Variants in NSRP1 observed in about 807,000 individuals in gnomAD.
NSRP1 encodes the protein coiled-coil domain containing 55.
In NSRP1, 24 loss-of-function variants were observed where a neutral mutation model predicts 54.7. That is an observed-to-expected ratio of 0.44 (90% CI 0.32 to 0.62). The LOEUF (loss-of-function observed/expected upper bound fraction) is 0.62. Ranked by LOEUF, NSRP1 falls within the 20% of genes least tolerant of loss-of-function variation. The pLI, the probability that NSRP1 is intolerant of heterozygous loss-of-function variation, is 0.06. For synonymous variants in NSRP1, 210 were observed against 213.8 expected (o/e 0.98, Z 0.15); for missense variants, 596 against 651.2 (o/e 0.92, Z 0.92).
At chr17:30,169,130 T>C (rs903438128) in intron 2 of NSRP1, among the ~76,000 whole-genome samples, 4 of 152,230 alleles carry the variant, frequency 2.6e-5, no homozygotes, top group Middle Eastern at 3.4e-3. Flanking sequence ...AAAATAGATA[T>C]AGTCTACATT....
chr17:30,133,145 G>A (rs192328632), intron 2 of NSRP1, among the ~76,000 whole-genome samples: 20 of 147,300 alleles, frequency 1.4e-4, no homozygotes, highest in African/African-American at 4.8e-4. Flanking sequence ...AGAGACAGGG[G>A]TCTCACCATG....
intron 2 of NSRP1, chr17:30,122,675 A>G (rs1200166240): frequency 2.0e-5 from 3 of 151,536 alleles, no homozygotes; most frequent in Admixed American, 6.6e-5. Flanking sequence ...AAGTGCTGGG[A>G]TTACAGGTGT....
chr17:30,167,606 C>CT (rs1904780116), intron 2 of NSRP1, among the ~76,000 whole-genome samples: 1 of 150,646 alleles, frequency 6.6e-6, no homozygotes, highest in African/African-American at 2.4e-5. Context: ...GAGACTCTGT[C>CT]TTAAAAAAAA....
intron 2 of NSRP1, among the ~76,000 whole-genome samples, chr17:30,143,398 G>A (rs1266956030): frequency 6.6e-6 from 1 of 152,178 alleles, no homozygotes; most frequent in African/African-American, 2.4e-5. Context: ...TTAGTGTCAA[G>A]AGATTGTGTA....
At chr17:30,136,875 T>C (rs150820110) in intron 2 of NSRP1, among the ~76,000 whole-genome samples, 230 of 152,310 alleles carry the variant, frequency 1.5e-3, no homozygotes, top group African/African-American at 5.1e-3. Context: ...CATTTGTACA[T>C]ACATCATATT....
intron 2 of NSRP1, among the ~76,000 whole-genome samples, chr17:30,165,252 A>C (rs551688944): frequency 6.6e-6 from 1 of 152,324 alleles, no homozygotes; most frequent in Middle Eastern, 3.4e-3. Flanking sequence ...TATCTTGATT[A>C]CGGTGATAGT....
At chr17:30,146,825 A>T (rs976094827) in intron 2 of NSRP1, among the ~76,000 whole-genome samples, 1 of 152,008 alleles carries the variant, frequency 6.6e-6, no homozygotes, top group Non-Finnish European at 1.5e-5. Flanking sequence ...GGCTGGCCTC[A>T]AGCAGTCTGC....
At chr17:30,171,819 A>G (rs1904942321) in intron 2 of NSRP1, among the ~76,000 whole-genome samples, 1 of 152,070 alleles carries the variant, frequency 6.6e-6, no homozygotes, top group East Asian at 1.9e-4. Context: ...AGAGCTTGAT[A>G]CACTATATTG....
chr17:30,163,120 A>G (rs1408689785), intron 2 of NSRP1: 1 of 151,382 alleles, frequency 6.6e-6, no homozygotes, highest in African/African-American at 2.4e-5. Flanking sequence ...CCTGAGCTCA[A>G]GTGATCCAGC....
At chr17:30,170,326 G>A (rs1904883798) in intron 2 of NSRP1, among the ~76,000 whole-genome samples, 1 of 152,078 alleles carries the variant, frequency 6.6e-6, no homozygotes, top group Non-Finnish European at 1.5e-5. Flanking sequence ...TCTGTGGCAA[G>A]AGCAGCTACA....
chr17:30,157,048 A>AT (rs1368440824), intron 2 of NSRP1, among the ~76,000 whole-genome samples: 1 of 152,096 alleles, frequency 6.6e-6, no homozygotes, highest in East Asian at 1.9e-4. Flanking sequence ...TCTGTGTTTA[A>AT]TTTTTTGAAA....
chr17:30,158,449 G>A (rs1004745074), intron 2 of NSRP1, among the ~76,000 whole-genome samples: 4 of 151,812 alleles, frequency 2.6e-5, no homozygotes, highest in South Asian at 2.1e-4. Flanking sequence ...TTTGCTGTAC[G>A]GAAGTGTTTT....
At chr17:30,147,961 G>T (rs1307729017) in intron 2 of NSRP1, among the ~76,000 whole-genome samples, 1 of 151,972 alleles carries the variant, frequency 6.6e-6, no homozygotes, top group Non-Finnish European at 1.5e-5. Flanking sequence ...GCAGGCATGT[G>T]CTACCATGCC....
chr17:30,176,618 CA>C (rs35018204), intron 3 of NSRP1, among the ~76,000 whole-genome samples: 49 of 120,366 alleles, frequency 4.1e-4, no homozygotes, highest in African/African-American at 1.2e-3. Context: ...CCCCCCCCCC[CA>C]AAAAAAAAAC....
At chr17:30,140,363 TACTC>T (rs1193383174) in intron 2 of NSRP1, among the ~76,000 whole-genome samples, 1 of 152,124 alleles carries the variant, frequency 6.6e-6, no homozygotes, top group Non-Finnish European at 1.5e-5. Context: ...GCTGTTTGGG[TACTC>T]AATAATTTTA....
rs1183786116 is a variant in NSRP1, at chr17:30,185,345, A to G, written c.1348A>G (p.Asn450Asp). Residue 450 changes from asparagine (N) to aspartate (D), a missense_variant, in exon 7 of 7, where the codon AAT (asparagine) becomes GAT (aspartate). Asn to Asp is a conservative substitution (Grantham distance 23). Coordinates refer to ENST00000247026, the MANE Select transcript of NSRP1 (RefSeq NM_032141.4). Reference sequence around the variant, plus strand: ...GGTAGGTGTTCAGTCTTCAGAAAGAAATCAAGACAGAAAGGAAAGCAGCCC... The same window carrying G: ...GGTAGGTGTTCAGTCTTCAGAAAGAGATCAAGACAGAAAGGAAAGCAGCCC... Reference protein sequence around the residue: ...REVGVQSSERNQDRKESSPNS... With the variant: ...REVGVQSSERDQDRKESSPNS... 1.2e-6 allele frequency: 2 copies of G among 1,611,600 alleles called. No homozygotes were observed. The highest frequency in any genetic ancestry group is 1.7e-5 in the Admixed American group (1 of 59,520).
chr17:30,168,132 A>T (rs1597616292), intron 2 of NSRP1: 1 of 152,198 alleles, frequency 6.6e-6, no homozygotes, highest in Admixed American at 6.5e-5. Context: ...TTTAAAGGAA[A>T]GTTATTAAAG....
At chr17:30,130,201 T>G (rs1340426417) in intron 2 of NSRP1, among the ~76,000 whole-genome samples, 1 of 152,178 alleles carries the variant, frequency 6.6e-6, no homozygotes, top group African/African-American at 2.4e-5. Context: ...GCTCAAGCAA[T>G]TCTCCCACCT....
At chr17:30,161,757 A>G (rs1904524480) in intron 2 of NSRP1, among the ~76,000 whole-genome samples, 2 of 152,196 alleles carry the variant, frequency 1.3e-5, no homozygotes, top group African/African-American at 4.8e-5. Flanking sequence ...ATTTAGAACC[A>G]TTCTGAAAAC....
Sources: allele counts gnomAD v4.1 joint callset (sites outside exome capture counted in the v4.1 genomes callset), GRCh38; gene constraint gnomAD v4.1.1; transcripts MANE v1.5; gene names NCBI Gene and HGNC (gene_info 2026-07-23, HGNC 2026-07-21).